The following CELF2 variants were observed in gnomAD, a reference collection of about 807,000 sequenced individuals.
CELF2 encodes the protein CUGBP Elav-like family member 2, also known as CUG triplet repeat RNA-binding protein 2.
Under a neutral mutation model 62.6 loss-of-function variants are expected in CELF2, and 8 were observed. That is an observed-to-expected ratio of 0.13 (90% CI 0.07 to 0.23). The LOEUF is 0.23. CELF2 is among the 10% of genes least tolerant of loss of function. CELF2 has a pLI of 1.00. For synonymous variants in CELF2, 258 were observed against 250.0 expected (o/e 1.03, Z -0.30); for missense variants, 333 against 671.0 (o/e 0.50, Z 5.56).
At chr10:10,738,838 G>T in the CELF2 span, among the ~76,000 whole-genome samples, 1 of 152,104 alleles carries the variant, frequency 6.6e-6, no homozygotes, top group Non-Finnish European at 1.5e-5. Context: ...AGAACATTCG[G>T]TAAAAACTAA....
At chr10:10,834,703 AG>A (rs2058135434) in intron 1 of CELF2, among the ~76,000 whole-genome samples, 1 of 152,244 alleles carries the variant, frequency 6.6e-6, no homozygotes, top group Non-Finnish European at 1.5e-5. Flanking sequence ...CATAACAATG[AG>A]GAAGCTCACG....
chr10:10,718,315 T>C, the CELF2 span, among the ~76,000 whole-genome samples: 5 of 152,106 alleles, frequency 3.3e-5, no homozygotes, highest in African/African-American at 1.2e-4. Flanking sequence ...CTTCCTCAAT[T>C]CCCCACAGAC....
At chr10:10,967,557 A>G (rs2050258967) in intron 2 of CELF2, among the ~76,000 whole-genome samples, 1 of 152,178 alleles carries the variant, frequency 6.6e-6, no homozygotes, top group Non-Finnish European at 1.5e-5. Context: ...GAGGGTGGTG[A>G]GGCCACAATA....
intron 1 of CELF2, among the ~76,000 whole-genome samples, chr10:10,818,546 C>CTTTTTTTTTTTTTTTTTTTTT (rs3028992): frequency 1.7e-5 from 2 of 116,538 alleles, no homozygotes; most frequent in Non-Finnish European, 1.7e-5. Context: ...TAAATATTTC[C>CTTTTTTTTTTTTTTTTTTTTT]TTTTTTTTTT....
the CELF2 span, among the ~76,000 whole-genome samples, chr10:10,604,881 A>G: frequency 6.6e-6 from 1 of 152,210 alleles, no homozygotes; most frequent in Non-Finnish European, 1.5e-5. Flanking sequence ...ATAGTTACAA[A>G]TAAAAATGCA....
rs1042563246 is a variant in CELF2 at position 10,995,250 on chromosome 10, G to T, written c.89+75251G>T. 6.6e-6 allele frequency among the ~76,000 whole-genome samples: 1 copy of T among 152,252 alleles called. No individual in the cohort carries two copies. The highest frequency in any genetic ancestry group is 1.5e-5 in the Non-Finnish European group (1 of 68,028). On this transcript the variant is annotated intron_variant, in intron 2 of 13. Transcript: ENST00000636488. The surrounding 1 kb of genome is among the most constrained non-coding windows in gnomAD (Gnocchi z 4.7). ...AAGAAACGTGTGGCTCATGTAGCTC[G>T]TCACATTTTTTATTTTTATTTTTTG...
chr10:10,695,941 C>T, the CELF2 span, among the ~76,000 whole-genome samples: 2 of 151,484 alleles, frequency 1.3e-5, no homozygotes, highest in East Asian at 1.9e-4. Flanking sequence ...ACTTCTTTGC[C>T]TTTGGTTTGA....
the CELF2 span, among the ~76,000 whole-genome samples, chr10:10,791,361 G>A: frequency 3.3e-5 from 5 of 151,238 alleles, no homozygotes; most frequent in East Asian, 1.9e-4. Flanking sequence ...AGTTGGAGCC[G>A]GGGTACAGCT....
intron 1 of CELF2, among the ~76,000 whole-genome samples, chr10:10,800,275 T>C (rs2054530577): frequency 1.3e-5 from 2 of 152,238 alleles, no homozygotes; most frequent in African/African-American, 2.4e-5. Context: ...CCAGCTAACA[T>C]ATCAAACGTG....
chr10:10,712,324 G>T, the CELF2 span, among the ~76,000 whole-genome samples: 1 of 151,886 alleles, frequency 6.6e-6, no homozygotes, highest in Non-Finnish European at 1.5e-5. Context: ...CTCTTAATTC[G>T]CACTTCAGTA....
intron 1 of CELF2, among the ~76,000 whole-genome samples, chr10:11,140,945 G>A (rs1449636801): frequency 6.6e-6 from 1 of 152,216 alleles, no homozygotes; most frequent in Non-Finnish European, 1.5e-5. Flanking sequence ...TGCGCCGGGG[G>A]TGTTGAGGCT....
chr10:11,276,422 G>A lies in CELF2; in HGVS notation c.841+1302G>A, dbSNP rs141171983. On this transcript the variant is annotated intron_variant, in intron 8 of 12. Transcript: ENST00000633077. ...TTAAATCATTCAGCAGCATCTTTACGAATATGGTTTGGGAAGCTGGCCTTG... is the reference window on the plus strand; with the variant it reads ...TTAAATCATTCAGCAGCATCTTTACAAATATGGTTTGGGAAGCTGGCCTTG... Among the ~76,000 whole-genome samples the A allele has an allele frequency of 8.6e-4, 131 of 152,304 alleles. No individual in the cohort carries two copies. The East Asian group carries it at 8.7e-3, about 10-fold the overall frequency.
intron 1 of CELF2, among the ~76,000 whole-genome samples, chr10:10,818,070 A>G (rs1467201939): frequency 1.3e-5 from 2 of 152,222 alleles, no homozygotes; most frequent in Admixed American, 6.5e-5. Flanking sequence ...ACTTGTACAT[A>G]AAGCCAAATA....
the CELF2 span, among the ~76,000 whole-genome samples, chr10:10,622,241 T>C: frequency 6.6e-6 from 1 of 152,154 alleles, no homozygotes; most frequent in South Asian, 2.1e-4. Flanking sequence ...ATGAGTGTTT[T>C]GGTTTTGAGA....
the CELF2 span, among the ~76,000 whole-genome samples, chr10:10,614,826 G>A: frequency 6.6e-6 from 1 of 152,060 alleles, no homozygotes; most frequent in Non-Finnish European, 1.5e-5. Context: ...CCCAGGCGAA[G>A]GTGAGATGGT....
chr10:11,123,914 C>T (rs11256990), intron 1 of CELF2, among the ~76,000 whole-genome samples: 27,377 of 152,054 alleles, frequency 0.18, 3,595 homozygotes, highest in East Asian at 0.64. Context: ...TAAAGACATA[C>T]CCAAGACTGG....
chr10:11,295,964 C>A (rs1014995800), intron 9 of CELF2, among the ~76,000 whole-genome samples: 3 of 152,134 alleles, frequency 2.0e-5, no homozygotes, highest in Admixed American at 6.5e-5. Context: ...CTGGAGCAGG[C>A]TGGAGTCTCT....
the CELF2 span, among the ~76,000 whole-genome samples, chr10:10,642,675 C>T: frequency 6.6e-6 from 1 of 152,208 alleles, no homozygotes; most frequent in African/African-American, 2.4e-5. Flanking sequence ...GGAGAGAAAA[C>T]ACTTATTTTT....
chr10:11,203,934 T>A (rs947432501), intron 2 of CELF2, among the ~76,000 whole-genome samples: 24 of 152,178 alleles, frequency 1.6e-4, no homozygotes, highest in African/African-American at 5.8e-4. Flanking sequence ...CATTTTTATT[T>A]TAATATGAAT....
Sources: allele counts gnomAD v4.1 joint callset (sites outside exome capture counted in the v4.1 genomes callset), GRCh38; gene constraint gnomAD v4.1.1; non-coding constraint Gnocchi (gnomAD v3.1); transcripts MANE v1.5; gene names NCBI Gene and HGNC (gene_info 2026-07-23, HGNC 2026-07-21).